FGD5: variants seen among roughly 807,000 people sequenced by gnomAD.
The protein encoded by FGD5 is FYVE, RhoGEF and PH domain-containing protein 5.
Under a neutral mutation model 133.4 loss-of-function variants are expected in FGD5, and 28 were observed. That is an observed-to-expected ratio of 0.21 (90% confidence interval 0.16 to 0.29). The LOEUF is 0.29. Ranked by LOEUF, FGD5 falls within the 10% of genes least tolerant of loss-of-function variation. The pLI, the probability that FGD5 is intolerant of heterozygous loss-of-function variation, is 1.00. For synonymous variants in FGD5, 810 were observed against 776.5 expected (o/e 1.04, Z -0.72); for missense variants, 1,858 against 1,895.2 (o/e 0.98, Z 0.36).
intron 2 of FGD5, among the ~76,000 whole-genome samples, chr3:14,876,646 T>A (rs2037725169): frequency 6.6e-6 from 1 of 152,254 alleles, no homozygotes; most frequent in Non-Finnish European, 1.5e-5. Context: ...GTAGCTGGAT[T>A]CACCTATCCA....
intron 2 of FGD5, among the ~76,000 whole-genome samples, chr3:14,878,345 C>G (rs989950783): frequency 6.6e-6 from 1 of 152,224 alleles, no homozygotes; most frequent in East Asian, 1.9e-4. Context: ...TTTCCACTGT[C>G]TCTGCTGCTA....
chr3:14,917,392 G>A lies in FGD5; in HGVS notation c.3489+60G>A, dbSNP rs2038580144. The A allele has an allele frequency of 9.3e-6, 14 of 1,501,178 alleles. No homozygotes were observed. The East Asian group carries it at 3.1e-4, about 33-fold the overall frequency. 93.0% of individuals were successfully genotyped at this position (1,501,178 alleles called of 1,614,324 possible). A position where few individuals can be genotyped will look rare whatever the true frequency, so the allele number is the denominator to read the frequency against. ...GGACAGGGAGACCCCAGGGGAGAAGGGGACAGCATCCTGCTCCCAGGAGCA... is the reference window on the plus strand; with the variant it reads ...GGACAGGGAGACCCCAGGGGAGAAGAGGACAGCATCCTGCTCCCAGGAGCA... On this transcript the variant is annotated intron_variant, in intron 12 of 19. Coordinates refer to ENST00000285046, the MANE Select transcript of FGD5 (RefSeq NM_152536.4). The surrounding 1 kb of genome is among the most constrained non-coding windows in gnomAD (Gnocchi z 4.1).
chr3:14,869,076 C>T (rs1171952974), intron 2 of FGD5, among the ~76,000 whole-genome samples: 2 of 152,152 alleles, frequency 1.3e-5, no homozygotes, highest in Non-Finnish European at 2.9e-5. Flanking sequence ...GGGCGGATCA[C>T]GAGGTCAGGA....
chr3:14,886,465 C>A (rs924252391), intron 4 of FGD5, among the ~76,000 whole-genome samples: 5 of 152,232 alleles, frequency 3.3e-5, no homozygotes, highest in African/African-American at 1.2e-4. Flanking sequence ...AAGTTCACAA[C>A]TGGCACATCA....
At position 14,917,706 on chromosome 3, in the gene FGD5, T is replaced by A. The variant is rs1022016487; in HGVS notation, c.3489+374T>A. Among the ~76,000 whole-genome samples the A allele has an allele frequency of 1.3e-5, 2 of 152,228 alleles. No individual in the cohort carries two copies. The highest frequency in any genetic ancestry group is 1.3e-4 in the Admixed American group (2 of 15,290). On this transcript the variant is annotated intron_variant, in intron 12 of 19. Transcript: ENST00000285046. This position sits in a 1 kb window ranked among gnomAD's most constrained non-coding sequence, Gnocchi z 4.1. The stretch of plus-strand genomic sequence containing the variant: ...ATATCATTTTAAAAGTAACCATTTT[T>A]AAATGTACAGTTCTGTGGCACTAAG...
At chr3:14,836,960 G>A (rs994569447) in intron 1 of FGD5, among the ~76,000 whole-genome samples, 20 of 152,196 alleles carry the variant, frequency 1.3e-4, no homozygotes, top group Admixed American at 6.5e-5. Context: ...AAATGGAAGG[G>A]ACAGTGGGGA....
chr3:14,813,996 C>T (rs376663819), upstream of FGD5, among the ~76,000 whole-genome samples: 3 of 152,276 alleles, frequency 2.0e-5, no homozygotes, highest in African/African-American at 7.2e-5. Flanking sequence ...GCGATTCCCC[C>T]ACCCCCTAGT....
chr3:14,876,726 T>C (rs1025345151), intron 2 of FGD5, among the ~76,000 whole-genome samples: 8 of 152,198 alleles, frequency 5.3e-5, no homozygotes, highest in Non-Finnish European at 7.3e-5. Flanking sequence ...CATACAGATA[T>C]GTAGTTGGAA....
chr3:14,882,022 G>C (rs1031917862), intron 4 of FGD5, among the ~76,000 whole-genome samples: 1 of 152,180 alleles, frequency 6.6e-6, no homozygotes. Context: ...CAGGAGGGCG[G>C]ATAGAGCACT....
chr3:14,892,203 T>A (rs571327107), intron 4 of FGD5, among the ~76,000 whole-genome samples: 15 of 151,980 alleles, frequency 9.9e-5, no homozygotes, highest in East Asian at 1.9e-4. Flanking sequence ...CTTTTTTTTT[T>A]ATTTTTTTAT....
intron 1 of FGD5, among the ~76,000 whole-genome samples, chr3:14,843,412 C>T (rs1216239259): frequency 1.3e-5 from 2 of 152,150 alleles, no homozygotes; most frequent in Non-Finnish European, 2.9e-5. Flanking sequence ...TTCCTCTTAG[C>T]CCTGAAATCA....
At chr3:14,927,794 G>A (rs1409468310) in intron 18 of FGD5, among the ~76,000 whole-genome samples, 1 of 152,090 alleles carries the variant, frequency 6.6e-6, no homozygotes. Flanking sequence ...ACAGGGTCTT[G>A]CTTCGTTGTC....
chr3:14,857,290 A>G (rs1429670850), intron 1 of FGD5, among the ~76,000 whole-genome samples: 1 of 152,098 alleles, frequency 6.6e-6, no homozygotes, highest in Non-Finnish European at 1.5e-5. Flanking sequence ...AGCTGAGGCT[A>G]ATAGCTATAG....
intron 12 of FGD5, among the ~76,000 whole-genome samples, chr3:14,918,186 G>C (rs910375543): frequency 3.3e-5 from 5 of 152,240 alleles, no homozygotes; most frequent in African/African-American, 4.8e-5. Flanking sequence ...TGAGGAGCAG[G>C]AGGTTTTAGG....
intron 2 of FGD5, among the ~76,000 whole-genome samples, chr3:14,867,776 C>T (rs2037525008): frequency 1.3e-5 from 2 of 152,166 alleles, no homozygotes; most frequent in South Asian, 4.1e-4. Context: ...TTCAGTTTCT[C>T]CAAAAGGCAA....
rs1559466157 is a variant in FGD5 at position 14,819,328 on chromosome 3, A to ATG, written c.257_258insTG (p.Lys87AlafsTer46). The ATG allele has an allele frequency of 5.8e-6, 9 of 1,542,098 alleles. No homozygotes were observed. In the Admixed American group the frequency reaches 9.9e-5, roughly 17 times the overall value. On this transcript the variant is annotated frameshift_variant, in exon 1 of 20. Coordinates refer to ENST00000285046, the MANE Select transcript of FGD5 (RefSeq NM_152536.4). LOFTEE classifies it high-confidence loss of function. The surrounding 1 kb of genome is among the most constrained non-coding windows in gnomAD (Gnocchi z 4.1). ...CCCAAGGACGAGGGCAGTGTGGGGA[A>ATG]CAAAGCCCTGGTGTCTCCCGAGTCC...
At chr3:14,899,831 G>A (rs2038203753) in intron 7 of FGD5, among the ~76,000 whole-genome samples, 1 of 152,224 alleles carries the variant, frequency 6.6e-6, no homozygotes, top group African/African-American at 2.4e-5. Flanking sequence ...CCTCTCTGAG[G>A]AGGCGGCATT....
chr3:14,897,752 G>A, intron 5 of FGD5, 83 bp downstream of exon 5: 4 of 1,481,046 alleles, frequency 2.7e-6, no homozygotes, highest in Non-Finnish European at 3.6e-6. Flanking sequence ...ATATGAAATA[G>A]TATCTCCATT....
At chr3:14,851,434 A>T (rs562672089) in intron 1 of FGD5, among the ~76,000 whole-genome samples, 1 of 152,284 alleles carries the variant, frequency 6.6e-6, no homozygotes, top group African/African-American at 2.4e-5. Flanking sequence ...GCCCTTTACC[A>T]CTGTCCTTTA....
Sources: gnomAD v4.1 joint callset for allele counts (sites outside exome capture counted in the v4.1 genomes callset) on GRCh38, gnomAD v4.1.1 for gene constraint, Gnocchi (gnomAD v3.1) non-coding constraint, MANE v1.5 for transcripts, NCBI Gene and HGNC (gene_info 2026-07-23, HGNC 2026-07-21) for gene names.